FNIP2: variants seen among roughly 807,000 people sequenced by gnomAD.
FNIP2 encodes folliculin interacting protein 2.
In FNIP2, 32 loss-of-function variants were observed where a neutral mutation model predicts 108.7. That is an observed-to-expected ratio of 0.29 (90% CI 0.22 to 0.40). The LOEUF is 0.40. Among genes scored for constraint, FNIP2 ranks in the 10% least tolerant of loss-of-function variants. The pLI is 1.00. For synonymous variants in FNIP2, 480 were observed against 496.7 expected (o/e 0.97, Z 0.45); for missense variants, 1,202 against 1,381.6 (o/e 0.87, Z 2.06).
rs868353644 is a variant in FNIP2, at chr4:158,769,249, A to G, written c.37A>G (p.Arg13Gly). 7.2e-6 allele frequency: 11 copies of G among 1,534,560 alleles called. No homozygotes were observed. Among genetic ancestry groups the G allele is most frequent in the East Asian group, 2.6e-5 (1 of 38,152 alleles). The change falls in exon 1 of 17, where the codon AGG (arginine) becomes GGG (glycine). Residue 13 changes from arginine to glycine, a missense_variant. Around this residue, in one of 5 missense-constraint regions of FNIP2, gnomAD observed 173 missense variants for 165.9 expected, o/e 1.04. Transcript: ENST00000264433. ...CCTGCTCCAGAAGCTCTTCAACAAA[A>G]GGGGCAGCAGCGGCAGCTCCGCGGC... Reference protein sequence around the residue: ...PTLLQKLFNKRGSSGSSAAAS... With the variant: ...PTLLQKLFNKGGSSGSSAAAS...
At chr4:158,849,105 C>A (rs968324491) in intron 7 of FNIP2, among the ~76,000 whole-genome samples, 10 of 152,120 alleles carry the variant, frequency 6.6e-5, no homozygotes, top group Admixed American at 6.5e-4. Context: ...AAGGGTCTTA[C>A]GATCTACTTT....
intron 13 of FNIP2, 55 bp downstream of exon 13, chr4:158,869,483 G>C: frequency 6.7e-7 from 1 of 1,495,910 alleles, no homozygotes; most frequent in Non-Finnish European, 8.9e-7. Context: ...CCACTTTCCT[G>C]GCCTGACACC....
intron 1 of FNIP2, among the ~76,000 whole-genome samples, chr4:158,801,944 T>C (rs1052268645): frequency 6.6e-6 from 1 of 152,142 alleles, no homozygotes; most frequent in African/African-American, 2.4e-5. Context: ...TGGATCTGTC[T>C]CCAAAGCCCA....
At chr4:158,788,188 C>T (rs1256737497) in intron 1 of FNIP2, among the ~76,000 whole-genome samples, 1 of 152,166 alleles carries the variant, frequency 6.6e-6, no homozygotes, top group Non-Finnish European at 1.5e-5. Flanking sequence ...CTTGCAGTTA[C>T]GACCGTGCTG....
chr4:158,905,150 T>C lies in FNIP2; in HGVS notation c.*606T>C, dbSNP rs1364924103. On this transcript the variant is annotated 3_prime_UTR_variant, in exon 17 of 17. Coordinates refer to ENST00000264433, the MANE Select transcript of FNIP2 (RefSeq NM_020840.3). ...AAGAATTGCTTGTTGGGAAGAGTGC[T>C]TTAGGGACCCACTGTTTTCATTTCT... is the stretch of plus-strand genomic sequence containing the variant. 1 of 152,474 alleles carries C rather than the reference T, an allele frequency of 6.6e-6. No homozygotes were observed. Among genetic ancestry groups the C allele is most frequent in the Non-Finnish European group, 1.5e-5 (1 of 68,234 alleles). 9.4% of individuals were successfully genotyped at this position (152,474 alleles called of 1,614,324 possible).
rs778099409 is a variant in FNIP2, at chr4:158,906,020, C to G, written c.*1476C>G. The G allele has an allele frequency of 6.6e-6, 1 of 152,218 alleles. No homozygotes were observed. 9.4% of individuals were successfully genotyped at this position (152,218 alleles called of 1,614,324 possible). A position where few individuals can be genotyped will look rare whatever the true frequency, so the allele number is the denominator to read the frequency against. On this transcript the variant is annotated 3_prime_UTR_variant, in exon 17 of 17. Transcript: ENST00000264433. ...TTTTTTCATTTGATAAAAATCAGAA[C>G]TGCTACCTTTCCCTTTTTTAATGAT...
chr4:158,780,326 A>G lies in FNIP2; in HGVS notation c.107+11007A>G, dbSNP rs139491336. Among the ~76,000 whole-genome samples the G allele has an allele frequency of 1.2e-3, 188 of 152,364 alleles. 1 individual carries two copies. In the Middle Eastern group the frequency reaches 0.027, roughly 22 times the overall value. On this transcript the variant is annotated intron_variant, in intron 1 of 16. Transcript: ENST00000264433. ...GAAGACATAATTGTAGAATATGTAC[A>G]TAAATGACTTCCCTGAAATCTTTTA...
intron 6 of FNIP2, chr4:158,834,325 T>TCTCTCTCTCTCTCTCTCTCTCC (rs1390704315): frequency 4.7e-5 from 7 of 149,914 alleles, no homozygotes; most frequent in African/African-American, 1.5e-4. Flanking sequence ...TCTCTCTCTC[T>TCTCTCTCTCTCTCTCTCTCTCC]CTCTCCCTCT....
At chr4:158,900,792 G>T (rs1026619801) in intron 16 of FNIP2, among the ~76,000 whole-genome samples, 2 of 152,108 alleles carry the variant, frequency 1.3e-5, no homozygotes, top group African/African-American at 2.4e-5. Context: ...TATCCAGTTT[G>T]CCAGTCTGTG....
intron 1 of FNIP2, among the ~76,000 whole-genome samples, chr4:158,810,765 A>C (rs896377661): frequency 1.3e-5 from 2 of 152,226 alleles, no homozygotes; most frequent in African/African-American, 2.4e-5. Context: ...TGTGTCCAGA[A>C]TGACAGTGTT....
chr4:158,836,963 G>A (rs768692507), intron 7 of FNIP2, among the ~76,000 whole-genome samples: 14 of 152,124 alleles, frequency 9.2e-5, no homozygotes, highest in Admixed American at 3.9e-4. Flanking sequence ...TAATGGTGCT[G>A]AAGATAACTC....
At chr4:158,831,801 T>C in intron 3 of FNIP2, 60 bp from the exon 4 acceptor site, 1 of 1,047,956 alleles carries the variant, frequency 9.5e-7, no homozygotes, top group South Asian at 1.4e-5. Context: ...AACATTATTT[T>C]CTGTTGCATT....
chr4:158,836,650 A>T (rs964718378), intron 7 of FNIP2: 38 of 151,284 alleles, frequency 2.5e-4, no homozygotes, highest in African/African-American at 9.0e-4. Context: ...AATACAAAAA[A>T]AAAAAAAAGA....
At chr4:158,800,298 A>G (rs1316823395) in intron 1 of FNIP2, among the ~76,000 whole-genome samples, 1 of 152,190 alleles carries the variant, frequency 6.6e-6, no homozygotes, top group East Asian at 1.9e-4. Context: ...AAAGTTTCCA[A>G]ATAAAGGGAA....
intron 1 of FNIP2, among the ~76,000 whole-genome samples, chr4:158,803,682 G>T (rs1481566529): frequency 6.6e-6 from 1 of 152,194 alleles, no homozygotes; most frequent in African/African-American, 2.4e-5. Flanking sequence ...AGGCTTATTA[G>T]TTGGGTAACA....
At chr4:158,812,164 C>A (rs1777315063) in intron 1 of FNIP2, among the ~76,000 whole-genome samples, 2 of 152,158 alleles carry the variant, frequency 1.3e-5, no homozygotes, top group South Asian at 4.1e-4. Flanking sequence ...ATGGCAAAAA[C>A]TCCTATTATT....
intron 1 of FNIP2, among the ~76,000 whole-genome samples, chr4:158,791,266 CTTTTTTTTTTTT>C (rs199714823): frequency 5.9e-4 from 58 of 98,080 alleles, no homozygotes; most frequent in Non-Finnish European, 8.0e-4. Context: ...ACTGAGGATC[CTTTTTTTTTTTT>C]TTTTTTTTTT....
intron 1 of FNIP2, among the ~76,000 whole-genome samples, chr4:158,780,049 T>C (rs1329069638): frequency 6.6e-6 from 1 of 150,536 alleles, no homozygotes; most frequent in Admixed American, 6.6e-5. Flanking sequence ...CTCTACAAAA[T>C]AAAAAATAAA....
chr4:158,868,906 T>A lies in FNIP2; in HGVS notation c.2270T>A (p.Val757Glu), dbSNP rs1780753364. ...PSLEASEAAD[V>E]AQDPQVSRSP... Reference sequence around the variant, plus strand: ...TTGGAGGCCAGTGAGGCTGCTGATGTGGCTCAGGACCCGCAGGTTTCTAGG... The same window carrying A: ...TTGGAGGCCAGTGAGGCTGCTGATGAGGCTCAGGACCCGCAGGTTTCTAGG... Residue 757 changes from valine (V) to glutamate (E), a missense_variant, in exon 13 of 17, where the codon GTG becomes GAG. By Grantham distance (121) the Val-to-Glu change is moderately radical. This residue lies in a region of FNIP2 where 878 missense variants were observed against 990.3 expected (regional missense o/e 0.89). Transcript: ENST00000264433. This position sits in a 1 kb window ranked among gnomAD's most constrained non-coding sequence, Gnocchi z 4.6. The A allele has an allele frequency of 2.5e-6, 4 of 1,613,994 alleles. No homozygotes were observed. Among genetic ancestry groups the A allele is most frequent in the Non-Finnish European group, 3.4e-6 (4 of 1,179,884 alleles).
Sources: allele counts gnomAD v4.1 joint callset (sites outside exome capture counted in the v4.1 genomes callset), GRCh38; gene constraint gnomAD v4.1.1; regional missense constraint gnomAD v4.1.1; non-coding constraint Gnocchi (gnomAD v3.1); transcripts MANE v1.5; gene names NCBI Gene and HGNC (gene_info 2026-07-23, HGNC 2026-07-21).